The following SPATA16 variants were observed in gnomAD, a reference collection of about 807,000 sequenced individuals.
SPATA16 encodes the protein spermatogenesis-associated protein 16.
Under a neutral mutation model 63.3 loss-of-function variants are expected in SPATA16, and 36 were observed. The ratio of observed to expected loss-of-function variants is 0.57; its 90% CI spans 0.44 to 0.75. The LOEUF (loss-of-function observed/expected upper bound fraction) is 0.75, where lower values mean the gene tolerates loss of function less well. SPATA16 is among the 30% of genes least tolerant of loss of function. The pLI is 0.00. For synonymous variants in SPATA16, 203 were observed against 216.7 expected, an observed-to-expected ratio of 0.94 and a Z score of 0.56; for missense variants, 646 against 679.3, an observed-to-expected ratio of 0.95 and a Z score of 0.54.
intron 5 of SPATA16, among the ~76,000 whole-genome samples, chr3:172,976,145 A>G (rs935191801): frequency 6.6e-6 from 1 of 152,148 alleles, no homozygotes; most frequent in African/African-American, 2.4e-5. Flanking sequence ...TCACATATTT[A>G]TAACAATTTC....
intron 3 of SPATA16, among the ~76,000 whole-genome samples, chr3:173,038,754 A>C (rs1735774277): frequency 6.6e-6 from 1 of 152,160 alleles, no homozygotes. Context: ...TAGACTCGTA[A>C]AATTTCAGGC....
chr3:172,890,058 A>T (rs888057915), intron 10 of SPATA16, among the ~76,000 whole-genome samples: 1 of 152,218 alleles, frequency 6.6e-6, no homozygotes, highest in Non-Finnish European at 1.5e-5. Context: ...CATCTCCTTT[A>T]TCAACAATAA....
chr3:172,953,261 A>AC (rs1733488725), intron 6 of SPATA16, among the ~76,000 whole-genome samples: 1 of 151,790 alleles, frequency 6.6e-6, no homozygotes, highest in Admixed American at 6.6e-5. Flanking sequence ...TAGATGAACA[A>AC]CCCCCCTCCC....
chr3:173,066,330 T>C (rs1271325783), intron 2 of SPATA16, among the ~76,000 whole-genome samples: 1 of 152,178 alleles, frequency 6.6e-6, no homozygotes, highest in Non-Finnish European at 1.5e-5. Flanking sequence ...GCAGTAGTGG[T>C]TGCAGGCCTT....
At chr3:172,997,711 T>C (rs1008989451) in intron 4 of SPATA16, among the ~76,000 whole-genome samples, 3 of 152,132 alleles carry the variant, frequency 2.0e-5, no homozygotes, top group Non-Finnish European at 4.4e-5. Context: ...TGTTATCTCC[T>C]AGGAGCTTTA....
At chr3:172,946,504 G>T (rs919230665) in intron 6 of SPATA16, among the ~76,000 whole-genome samples, 2 of 152,172 alleles carry the variant, frequency 1.3e-5, no homozygotes, top group Non-Finnish European at 2.9e-5. Flanking sequence ...TTCACCACAA[G>T]CTGGCTGAAG....
At chr3:173,052,521 A>G (rs937408867) in intron 2 of SPATA16, among the ~76,000 whole-genome samples, 1 of 152,232 alleles carries the variant, frequency 6.6e-6, no homozygotes, top group African/African-American at 2.4e-5. Context: ...ATTCTCTTCC[A>G]AAGTAGTACA....
At chr3:173,060,816 T>C (rs1199673169) in intron 2 of SPATA16, among the ~76,000 whole-genome samples, 1 of 152,240 alleles carries the variant, frequency 6.6e-6, no homozygotes, top group African/African-American at 2.4e-5. Context: ...TGTTTGAAAT[T>C]CAGTAGACCT....
chr3:173,087,339 G>T (rs1338189581), intron 2 of SPATA16, among the ~76,000 whole-genome samples: 2 of 152,044 alleles, frequency 1.3e-5, no homozygotes, highest in African/African-American at 2.4e-5. Context: ...AGAAACTAGG[G>T]TTGCAACCCC....
intron 10 of SPATA16, among the ~76,000 whole-genome samples, chr3:172,891,335 T>C (rs1731890627): frequency 6.6e-6 from 1 of 152,214 alleles, no homozygotes; most frequent in Non-Finnish European, 1.5e-5. Context: ...AGAGCAGTAC[T>C]GAGTAATGGG....
At chr3:173,011,842 C>T (rs1243268536) in intron 4 of SPATA16, among the ~76,000 whole-genome samples, 1 of 152,126 alleles carries the variant, frequency 6.6e-6, no homozygotes, top group Non-Finnish European at 1.5e-5. Context: ...CACTAGGAGA[C>T]AGAGTCTGAA....
intron 5 of SPATA16, among the ~76,000 whole-genome samples, chr3:172,971,102 A>T (rs1560083800): frequency 6.6e-6 from 1 of 152,184 alleles, no homozygotes; most frequent in East Asian, 1.9e-4. Context: ...TCATGTTTGA[A>T]AGAAGCAGTT....
At chr3:172,904,862 G>T (rs746801658) in intron 10 of SPATA16, among the ~76,000 whole-genome samples, 2 of 152,218 alleles carry the variant, frequency 1.3e-5, no homozygotes, top group South Asian at 4.1e-4. Context: ...TCCCGGGTCC[G>T]ATTGCCCCAG....
chr3:173,038,750 C>T (rs960870178), intron 3 of SPATA16, among the ~76,000 whole-genome samples: 9 of 152,114 alleles, frequency 5.9e-5, no homozygotes, highest in South Asian at 2.1e-4. Context: ...ATTCTAGACT[C>T]GTAAAATTTC....
At chr3:172,934,640 T>G (rs1439987241) in intron 6 of SPATA16, among the ~76,000 whole-genome samples, 2 of 152,116 alleles carry the variant, frequency 1.3e-5, no homozygotes, top group Non-Finnish European at 2.9e-5. Flanking sequence ...TAATGATAAT[T>G]TAAAAACAAA....
At chr3:173,058,295 T>C (rs1736297756) in intron 2 of SPATA16, among the ~76,000 whole-genome samples, 2 of 152,148 alleles carry the variant, frequency 1.3e-5, no homozygotes, top group Admixed American at 1.3e-4. Flanking sequence ...GAAATTTTTC[T>C]AGTGACATTG....
chr3:173,121,275 T>TA (rs1738063570), intron 1 of SPATA16, among the ~76,000 whole-genome samples: 2 of 152,130 alleles, frequency 1.3e-5, no homozygotes, highest in Non-Finnish European at 2.9e-5. Context: ...ATGGCTTCTT[T>TA]AAAAATTATA....
chr3:173,125,566 C>T (rs907811410), intron 1 of SPATA16, among the ~76,000 whole-genome samples: 1 of 152,234 alleles, frequency 6.6e-6, no homozygotes, highest in Non-Finnish European at 1.5e-5. Flanking sequence ...ATTCCCAACT[C>T]AGAACCTTTG....
chr3:173,023,262 G>T (rs189071731), intron 3 of SPATA16, among the ~76,000 whole-genome samples: 1 of 151,196 alleles, frequency 6.6e-6, no homozygotes, highest in Admixed American at 6.6e-5. Context: ...CAATTCGCTT[G>T]ATAAATAATC....
Sources: gnomAD v4.1 joint callset for allele counts (sites outside exome capture counted in the v4.1 genomes callset) on GRCh38, gnomAD v4.1.1 for gene constraint, MANE v1.5 for transcripts, NCBI Gene and HGNC (gene_info 2026-07-23, HGNC 2026-07-21) for gene names.